DLG2: variants seen among roughly 807,000 people sequenced by gnomAD.
DLG2 encodes disks large homolog 2.
A neutral mutation model predicts 132.5 loss-of-function variants in DLG2; 45 were observed. That is an observed-to-expected ratio of 0.34 (90% CI 0.27 to 0.44). The LOEUF is 0.44. Among genes scored for constraint, DLG2 ranks in the 20% least tolerant of loss-of-function variants. The pLI is 1.00. For missense variants in DLG2, 1,045 were observed against 1,196.9 expected, an observed-to-expected ratio of 0.87 and a Z score of 1.87; for synonymous variants, 424 against 419.6, an observed-to-expected ratio of 1.01 and a Z score of -0.13.
chr11:84,621,737 G>T lies in DLG2; in HGVS notation c.358-87006C>A, dbSNP rs73511158. Among the ~76,000 whole-genome samples, 244 of 152,246 alleles carry T rather than the reference G, an allele frequency of 1.6e-3. 1 individual carries two copies. The highest frequency in any genetic ancestry group is 5.6e-3 in the African/African-American group (234 of 41,530). ...ATTACCTGGGCAAAGCATCCAAGTG[G>T]GCTGCTGGGGATTTTAAGATCAGCA... On this transcript the variant is annotated intron_variant, in intron 6 of 27. Transcript: ENST00000376104.
At chr11:84,886,246 C>T (rs1010503710) in intron 6 of DLG2, among the ~76,000 whole-genome samples, 2 of 152,114 alleles carry the variant, frequency 1.3e-5, no homozygotes, top group South Asian at 4.1e-4. Context: ...TCTGCCACAA[C>T]CCCAAGATAT....
intron 7 of DLG2, among the ~76,000 whole-genome samples, chr11:84,253,572 G>T (rs1429281438): frequency 6.6e-6 from 1 of 152,094 alleles, no homozygotes; most frequent in African/African-American, 2.4e-5. Context: ...GGCTACAACT[G>T]CACTAATAAG....
intron 6 of DLG2, among the ~76,000 whole-genome samples, chr11:84,742,862 G>T (rs1225556285): frequency 6.6e-6 from 1 of 151,956 alleles, no homozygotes; most frequent in African/African-American, 2.4e-5. Flanking sequence ...TGTCTCTATG[G>T]TTTTACCGTT....
chr11:85,165,462 A>G (rs2078370835), intron 4 of DLG2, among the ~76,000 whole-genome samples: 2 of 152,186 alleles, frequency 1.3e-5, no homozygotes, highest in African/African-American at 4.8e-5. Flanking sequence ...CCATTAGAAG[A>G]GGCCCCATGG....
intron 6 of DLG2, chr11:85,020,782 T>G (rs1188120581): frequency 1.4e-6 from 1 of 710,854 alleles, no homozygotes; most frequent in East Asian, 2.7e-5. Flanking sequence ...TGCTTCAAAG[T>G]CATCCTCTCC....
chr11:84,774,933 T>A (rs2070173180), intron 6 of DLG2, among the ~76,000 whole-genome samples: 1 of 151,908 alleles, frequency 6.6e-6, no homozygotes. Flanking sequence ...AATTGACAAA[T>A]GGGATCCAAT....
intron 6 of DLG2, among the ~76,000 whole-genome samples, chr11:84,618,519 C>T (rs1239536697): frequency 1.3e-5 from 2 of 151,996 alleles, no homozygotes; most frequent in East Asian, 3.9e-4. Context: ...GAAAAGTGGG[C>T]TGTAGCAAAA....
chr11:84,877,871 A>G (rs2086635408), intron 6 of DLG2, among the ~76,000 whole-genome samples: 1 of 152,162 alleles, frequency 6.6e-6, no homozygotes, highest in African/African-American at 2.4e-5. Context: ...AATTTACAAG[A>G]AAAAAACAAC....
chr11:85,125,110 G>A (rs182897144), intron 5 of DLG2, among the ~76,000 whole-genome samples: 13 of 152,212 alleles, frequency 8.5e-5, no homozygotes, highest in Non-Finnish European at 1.8e-4. Context: ...GATTACAGGC[G>A]TGAGCCACCG....
Position 84,855,723 on chromosome 11 carries a change from T to C in DLG2, c.357+255938A>G, listed in dbSNP as rs1210062737. Among the ~76,000 whole-genome samples the C allele has an allele frequency of 2.0e-5, 3 of 152,102 alleles. No individual in the cohort carries two copies. The East Asian group carries it at 5.8e-4, about 29-fold the overall frequency. On this transcript the variant is annotated intron_variant, in intron 6 of 27. Transcript: ENST00000376104. The stretch of plus-strand genomic sequence containing the variant: ...AATTACTGTAGCTTCATTAATACAT[T>C]CTTGGTGTCTTACTGCTGAGTGACT...
intron 6 of DLG2, among the ~76,000 whole-genome samples, chr11:84,645,516 A>T (rs1229469248): frequency 1.3e-5 from 2 of 152,112 alleles, no homozygotes; most frequent in Non-Finnish European, 2.9e-5. Flanking sequence ...CACCCAGGCC[A>T]GAGTGCAGTC....
intron 6 of DLG2, among the ~76,000 whole-genome samples, chr11:84,708,686 C>T (rs915770838): frequency 6.6e-6 from 1 of 151,812 alleles, no homozygotes; most frequent in Non-Finnish European, 1.5e-5. Flanking sequence ...TAGCTAGGAA[C>T]CTGTCAGCAT....
At chr11:85,368,488 C>T (rs2084721376) in intron 3 of DLG2, among the ~76,000 whole-genome samples, 1 of 152,208 alleles carries the variant, frequency 6.6e-6, no homozygotes, top group Non-Finnish European at 1.5e-5. Flanking sequence ...TGCCTCACCA[C>T]CTCCACTGTT....
chr11:84,031,899 A>T (rs1455636478), intron 11 of DLG2, among the ~76,000 whole-genome samples: 4 of 152,068 alleles, frequency 2.6e-5, no homozygotes, highest in Non-Finnish European at 5.9e-5. Flanking sequence ...TTCTCATAGT[A>T]TTTCAAAATT....
chr11:84,011,325 G>C (rs956401532), intron 11 of DLG2, among the ~76,000 whole-genome samples: 1 of 151,838 alleles, frequency 6.6e-6, no homozygotes, highest in Non-Finnish European at 1.5e-5. Flanking sequence ...ACAAAAACTA[G>C]CCAGGTGTGG....
rs546666337 is a variant in DLG2 at position 84,817,032 on chromosome 11, G to C, written c.358-282301C>G. Among the ~76,000 whole-genome samples the C allele has an allele frequency of 2.6e-5, 4 of 151,992 alleles. No individual in the cohort carries two copies. In the East Asian group the frequency reaches 7.8e-4, roughly 30 times the overall value. On this transcript the variant is annotated intron_variant, in intron 6 of 27. Transcript: ENST00000376104. ...TATACTACAGAAGAACTAGTCCTAA[G>C]AGCACATTAGATAATGGATGTGAAA...
intron 7 of DLG2, among the ~76,000 whole-genome samples, chr11:84,502,103 ACTCT>A (rs1317062028): frequency 9.5e-5 from 6 of 63,184 alleles, no homozygotes; most frequent in South Asian, 4.7e-4. Flanking sequence ...TTTCTTTCTC[ACTCT>A]CTCTGTCTTT....
In DLG2 at chr11:85,449,237, C is replaced by T. The variant is rs2153040592; in HGVS notation, c.40+149420G>A. 1.3e-5 allele frequency among the ~76,000 whole-genome samples: 2 copies of T among 152,022 alleles called. 1 individual carries two copies. Among genetic ancestry groups the T allele is most frequent in the Admixed American group, 1.3e-4 (2 of 15,248 alleles). On this transcript the variant is annotated intron_variant, in intron 3 of 27. Coordinates refer to ENST00000376104, the MANE Select transcript of DLG2 (RefSeq NM_001142699.3). ...CCATCAATTCTGGAAATTTTTCATC[C>T]AGGACTTAAAAATTGCTTCTGCCAC... is the stretch of plus-strand genomic sequence containing the variant.
chr11:83,929,628 T>C (rs1466246156), intron 15 of DLG2, among the ~76,000 whole-genome samples: 1 of 152,302 alleles, frequency 6.6e-6, no homozygotes, highest in Admixed American at 6.5e-5. Context: ...AAGGTCAAAT[T>C]TGGACTCTAC....
Sources: allele counts gnomAD v4.1 joint callset (sites outside exome capture counted in the v4.1 genomes callset), GRCh38; gene constraint gnomAD v4.1.1; transcripts MANE v1.5; gene names NCBI Gene and HGNC (gene_info 2026-07-23, HGNC 2026-07-21).